The following SIPA1L3 variants were observed in gnomAD, a reference collection of about 807,000 sequenced individuals.
SIPA1L3 encodes the protein signal-induced proliferation-associated 1-like protein 3.
A neutral mutation model predicts 150.1 loss-of-function variants in SIPA1L3; 59 were observed. The ratio of observed to expected loss-of-function variants is 0.39; its 90% CI spans 0.32 to 0.49. SIPA1L3 has a LOEUF of 0.49. Among genes scored for constraint, SIPA1L3 ranks in the 20% least tolerant of loss-of-function variants. The probability of loss-of-function intolerance (pLI) is 0.86; values close to 1 mark genes in which losing one functional copy is unlikely to be tolerated. For missense variants in SIPA1L3, 2,211 were observed against 2,489.5 expected (o/e 0.89, Z 2.38); for synonymous variants, 1,070 against 1,077.6 (o/e 0.99, Z 0.14).
At chr19:37,922,438 G>A (rs554496633) in intron 1 of SIPA1L3, among the ~76,000 whole-genome samples, 2 of 151,514 alleles carry the variant, frequency 1.3e-5, no homozygotes, top group Admixed American at 1.3e-4. Flanking sequence ...CTGTCGCCCA[G>A]GCTAGAGTGC....
intron 13 of SIPA1L3, 81 bp downstream of exon 13, chr19:38,153,048 T>TC (rs1268782189): frequency 1.3e-6 from 2 of 1,497,694 alleles, no homozygotes; most frequent in East Asian, 2.4e-5. Flanking sequence ...CAGGCAACAC[T>TC]CCCCCTCTTG....
intron 16 of SIPA1L3, among the ~76,000 whole-genome samples, chr19:38,188,817 G>A (rs956251005): frequency 6.6e-6 from 1 of 151,842 alleles, no homozygotes; most frequent in Non-Finnish European, 1.5e-5. Flanking sequence ...CAGCTACTCT[G>A]GAGGCTGAGG....
chr19:38,082,028 TGGCCCC>T lies in SIPA1L3; in HGVS notation c.466_471del (p.Pro156_Arg157del). On this transcript the variant is annotated inframe_deletion, in exon 3 of 22. Coordinates refer to ENST00000222345, the MANE Select transcript of SIPA1L3 (RefSeq NM_015073.3). ...CAAAGACGTGGAGTTCCAGGACGGGTGGCCCCGGTCCCCCGGCAGGGCCTTCCTCCC... is the reference window on the plus strand; with the variant it reads ...CAAAGACGTGGAGTTCCAGGACGGGTGGTCCCCCGGCAGGGCCTTCCTCCC... 1 of 1,614,026 alleles carries T rather than the reference TGGCCCC, an allele frequency of 6.2e-7. No homozygotes were observed. Among genetic ancestry groups the T allele is most frequent in the Non-Finnish European group, 8.5e-7 (1 of 1,179,972 alleles).
Position 38,182,499 on chromosome 19 carries a change from CTT to C in SIPA1L3, c.4209-18_4209-17del. On this transcript the variant is annotated intron_variant, in intron 15 of 21. Coordinates refer to ENST00000222345, the MANE Select transcript of SIPA1L3 (RefSeq NM_015073.3). ...GGAATGGATTTGGTTTTTTTTATCT[CTT>C]TCATTTTTGCTTTGCAGTGACATGG... 6.4e-7 allele frequency: 1 copy of C among 1,564,078 alleles called. No individual in the cohort carries two copies.
chr19:37,966,384 C>A (rs917403356), intron 1 of SIPA1L3, among the ~76,000 whole-genome samples: 2 of 152,178 alleles, frequency 1.3e-5, no homozygotes, highest in Admixed American at 1.3e-4. Context: ...TTGGACAGAG[C>A]TCCCTTTCCT....
At chr19:38,183,778 C>T (rs182711692) in intron 16 of SIPA1L3, among the ~76,000 whole-genome samples, 2,004 of 149,536 alleles carry the variant, frequency 0.013, 13 homozygotes, top group Non-Finnish European at 0.022. Context: ...AGTGAGAAGC[C>T]GGGGAAGGCG....
chr19:38,166,983 C>T (rs981847633), intron 15 of SIPA1L3, among the ~76,000 whole-genome samples: 2 of 151,848 alleles, frequency 1.3e-5, no homozygotes, highest in Admixed American at 1.3e-4. Context: ...GCCTGTAATC[C>T]CAGCACTTTG....
At chr19:37,968,208 G>C (rs1002672496) in intron 1 of SIPA1L3, among the ~76,000 whole-genome samples, 6 of 152,118 alleles carry the variant, frequency 3.9e-5, no homozygotes, top group Non-Finnish European at 8.8e-5. Flanking sequence ...GAGTAGCGGG[G>C]ATTACAGGCA....
intron 2 of SIPA1L3, among the ~76,000 whole-genome samples, chr19:38,054,254 A>G (rs574351799): frequency 1.3e-5 from 2 of 152,256 alleles, no homozygotes; most frequent in South Asian, 4.1e-4. Context: ...GCAGTTAGGA[A>G]TTGGTTGGAA....
chr19:38,007,467 G>GA (rs1568499351), intron 1 of SIPA1L3, among the ~76,000 whole-genome samples: 1 of 20,618 alleles, frequency 4.9e-5, no homozygotes, highest in East Asian at 1.7e-3. Context: ...AAAAAAAAAA[G>GA]AAAGAAAAGA....
At chr19:38,019,724 A>C (rs1464541753) in intron 1 of SIPA1L3, among the ~76,000 whole-genome samples, 3 of 152,138 alleles carry the variant, frequency 2.0e-5, no homozygotes, top group African/African-American at 7.2e-5. Context: ...GGTTGACCAG[A>C]GGGTGGGATT....
intron 15 of SIPA1L3, among the ~76,000 whole-genome samples, chr19:38,166,872 C>G (rs1460295226): frequency 6.6e-6 from 1 of 151,996 alleles, no homozygotes; most frequent in Non-Finnish European, 1.5e-5. Flanking sequence ...CTCAGGCAGC[C>G]AACTCAGACT....
intron 14 of SIPA1L3, among the ~76,000 whole-genome samples, chr19:38,163,900 G>C (rs914887231): frequency 2.0e-5 from 3 of 152,304 alleles, no homozygotes; most frequent in Admixed American, 6.5e-5. Context: ...TGCTGGCTGC[G>C]TGTGGGGAAT....
intron 2 of SIPA1L3, among the ~76,000 whole-genome samples, chr19:38,069,327 C>A (rs770388621): frequency 2.0e-5 from 3 of 152,154 alleles, no homozygotes; most frequent in Non-Finnish European, 4.4e-5. Context: ...GCCCTTCATA[C>A]CTATAACTGC....
At chr19:38,193,395 G>GAGGA (rs377524633) in intron 17 of SIPA1L3, 142 bp from the exon 18 acceptor site, 6 of 942,428 alleles carry the variant, frequency 6.4e-6, no homozygotes, top group African/African-American at 1.8e-5. Flanking sequence ...GGGAGGGAGG[G>GAGGA]AGGAAGGAAG....
intron 1 of SIPA1L3, among the ~76,000 whole-genome samples, chr19:37,946,775 A>T (rs945633355): frequency 1.3e-5 from 2 of 151,168 alleles, no homozygotes; most frequent in African/African-American, 4.9e-5. Flanking sequence ...TGCTTGTTTT[A>T]TGTATGCTTT....
chr19:37,953,245 G>A (rs1034240483), intron 1 of SIPA1L3, among the ~76,000 whole-genome samples: 1 of 151,934 alleles, frequency 6.6e-6, no homozygotes, highest in Non-Finnish European at 1.5e-5. Flanking sequence ...TTCCTCTTTG[G>A]AAAAAAACAT....
At position 37,998,564 on chromosome 19, in the gene SIPA1L3, T is replaced by G. The variant is rs1967700477; in HGVS notation, c.-378-30525T>G. Reference sequence around the variant, plus strand: ...TGGGAGACCAAGGTGGGAGGATTGCTTGAGCTCAGGAGTTGGAGATCAGCC... The same window carrying G: ...TGGGAGACCAAGGTGGGAGGATTGCGTGAGCTCAGGAGTTGGAGATCAGCC... On this transcript the variant is annotated intron_variant, in intron 1 of 21. Coordinates refer to ENST00000222345, the MANE Select transcript of SIPA1L3 (RefSeq NM_015073.3). 2.0e-5 allele frequency among the ~76,000 whole-genome samples: 3 copies of G among 152,190 alleles called. No individual in the cohort carries two copies. The South Asian group carries it at 6.2e-4, about 31-fold the overall frequency.
intron 4 of SIPA1L3, among the ~76,000 whole-genome samples, chr19:38,091,121 C>T (rs761119342): frequency 1.3e-5 from 2 of 152,178 alleles, no homozygotes; most frequent in African/African-American, 2.4e-5. Context: ...TGCAGCGGCT[C>T]ACACCTGTAA....
Sources: gnomAD v4.1 joint callset for allele counts (sites outside exome capture counted in the v4.1 genomes callset) on GRCh38, gnomAD v4.1.1 for gene constraint, MANE v1.5 for transcripts, NCBI Gene and HGNC (gene_info 2026-07-23, HGNC 2026-07-21) for gene names.